The following ATXN1 variants were observed in gnomAD, a reference collection of about 807,000 sequenced individuals.
ATXN1 encodes the protein ataxin-1.
Under a neutral mutation model 56.4 loss-of-function variants are expected in ATXN1, and 8 were observed. The ratio of observed to expected loss-of-function variants is 0.14; its 90% CI spans 0.08 to 0.26. The LOEUF (loss-of-function observed/expected upper bound fraction) is 0.26. Among genes scored for constraint, ATXN1 ranks in the 10% least tolerant of loss-of-function variants. The pLI, the probability that ATXN1 is intolerant of heterozygous loss-of-function variation, is 1.00. For synonymous variants in ATXN1, 514 were observed against 494.6 expected, an observed-to-expected ratio of 1.04 and a Z score of -0.52; for missense variants, 987 against 1,106.5, an observed-to-expected ratio of 0.89 and a Z score of 1.53.
intron 6 of ATXN1, among the ~76,000 whole-genome samples, chr6:16,362,243 C>T (rs551887296): frequency 2.0e-5 from 3 of 152,254 alleles, no homozygotes; most frequent in East Asian, 1.9e-4. Flanking sequence ...TCTGACTGGA[C>T]GGATGGCTTT....
chr6:16,734,034 G>A (rs180726968), intron 2 of ATXN1, among the ~76,000 whole-genome samples: 19 of 152,264 alleles, frequency 1.2e-4, no homozygotes, highest in African/African-American at 4.3e-4. Context: ...GGAGATTGCA[G>A]TGAGCCAAGA....
rs1180662624 is a variant in ATXN1 at position 16,306,606 on chromosome 6, G to C, written c.2171C>G (p.Ala724Gly). ...DGLAGSRHRY[A>G]EQENGINQGS... Reference sequence around the variant, plus strand: ...CTGGTTGATTCCGTTTTCCTGCTCGGCATACCTGTGTCTGCTGCCCGCCAG... The same window carrying C: ...CTGGTTGATTCCGTTTTCCTGCTCGCCATACCTGTGTCTGCTGCCCGCCAG... The change falls in exon 8 of 8, where the codon GCC becomes GGC. Residue 724 changes from alanine to glycine, a missense_variant. Transcript: ENST00000436367. This position sits in a 1 kb window ranked among gnomAD's most constrained non-coding sequence, Gnocchi z 5.2. 6.2e-7 allele frequency: 1 copy of C among 1,614,198 alleles called. No homozygotes were observed. Among genetic ancestry groups the C allele is most frequent in the Admixed American group, 1.7e-5 (1 of 60,028 alleles).
intron 1 of ATXN1, among the ~76,000 whole-genome samples, chr6:16,758,014 C>G (rs372119408): frequency 9.2e-4 from 140 of 152,198 alleles, no homozygotes; most frequent in African/African-American, 3.3e-3. Flanking sequence ...AGGCCTCTAT[C>G]GTTTCTCGCT....
chr6:16,466,662 C>T (rs2876420), intron 6 of ATXN1, among the ~76,000 whole-genome samples: 67,980 of 151,890 alleles, frequency 0.45, 16,030 homozygotes, highest in East Asian at 0.81. Context: ...AGATCAAGCA[C>T]GATTCTATTT....
At chr6:16,758,808 C>T (rs1760966867) in intron 1 of ATXN1, among the ~76,000 whole-genome samples, 1 of 152,320 alleles carries the variant, frequency 6.6e-6, no homozygotes, top group East Asian at 1.9e-4. Context: ...AGATGGCATT[C>T]AAGTCCATTT....
chr6:16,518,347 C>T (rs1220427546), intron 5 of ATXN1, among the ~76,000 whole-genome samples: 2 of 152,228 alleles, frequency 1.3e-5, no homozygotes, highest in Non-Finnish European at 2.9e-5. Context: ...GCCTATGCCC[C>T]CTCCTTGGAT....
At chr6:16,652,363 A>G (rs1166983463) in intron 3 of ATXN1, among the ~76,000 whole-genome samples, 1 of 152,162 alleles carries the variant, frequency 6.6e-6, no homozygotes, top group Non-Finnish European at 1.5e-5. Context: ...TGTACCTCTC[A>G]AGGATGCCTC....
rs140440557 is a variant in ATXN1, at chr6:16,704,147, C to G, written c.-614-46246G>C. On this transcript the variant is annotated intron_variant, in intron 2 of 7. Transcript: ENST00000436367. ...AACACGTCATGGAGCCCACACTGTA[C>G]GAATGTTTTGGAGGTGCGCACTGAG... Among the ~76,000 whole-genome samples, 11 of 152,282 alleles carry G rather than the reference C, an allele frequency of 7.2e-5. No homozygotes were observed. In the East Asian group the frequency reaches 1.9e-3, roughly 27 times the overall value.
chr6:16,534,841 T>A (rs1029773944), intron 4 of ATXN1, among the ~76,000 whole-genome samples: 3 of 152,252 alleles, frequency 2.0e-5, no homozygotes, highest in African/African-American at 7.2e-5. Context: ...TCTGCTCTTG[T>A]ATAAACAGCT....
At chr6:16,633,829 T>G (rs2299067) in intron 3 of ATXN1, among the ~76,000 whole-genome samples, 2 of 151,998 alleles carry the variant, frequency 1.3e-5, no homozygotes, top group African/African-American at 4.8e-5. Context: ...GTAAAGACAG[T>G]CCAAGGAAAA....
chr6:16,410,400 T>C lies in ATXN1; in HGVS notation c.-161+75572A>G, dbSNP rs895095878. Reference sequence around the variant, plus strand: ...ATGAACAGTGAAGACTAAATCTGACTTACAAAGGTGAGGAGCAGGGAGTAC... The same window carrying C: ...ATGAACAGTGAAGACTAAATCTGACCTACAAAGGTGAGGAGCAGGGAGTAC... On this transcript the variant is annotated intron_variant, in intron 6 of 7. Coordinates refer to ENST00000436367, the MANE Select transcript of ATXN1 (RefSeq NM_001128164.2). The surrounding 1 kb of genome is among the most constrained non-coding windows in gnomAD (Gnocchi z 4.6). Among the ~76,000 whole-genome samples, 2 of 152,214 alleles carry C rather than the reference T, an allele frequency of 1.3e-5. No homozygotes were observed. The highest frequency in any genetic ancestry group is 2.9e-5 in the Non-Finnish European group (2 of 68,038).
intron 2 of ATXN1, among the ~76,000 whole-genome samples, chr6:16,745,883 C>T (rs1443863663): frequency 6.6e-6 from 1 of 151,726 alleles, no homozygotes; most frequent in Admixed American, 6.6e-5. Flanking sequence ...AAATGCAGCA[C>T]TTTCCTTTGT....
chr6:16,739,225 C>T (rs977683270), intron 2 of ATXN1: 2 of 151,110 alleles, frequency 1.3e-5, no homozygotes, highest in African/African-American at 4.9e-5. Context: ...CTTGAAGCAC[C>T]CATAACTTTT....
At chr6:16,552,753 G>A (rs569976800) in intron 4 of ATXN1, among the ~76,000 whole-genome samples, 6 of 152,248 alleles carry the variant, frequency 3.9e-5, no homozygotes, top group African/African-American at 7.2e-5. Flanking sequence ...ATTGCCTTAC[G>A]GGGGTGTATC....
At chr6:16,464,221 C>T (rs1454284961) in intron 6 of ATXN1, among the ~76,000 whole-genome samples, 2 of 152,084 alleles carry the variant, frequency 1.3e-5, no homozygotes, top group African/African-American at 2.4e-5. Flanking sequence ...ACAAGAGGTT[C>T]GTAAAATGCA....
intron 2 of ATXN1, among the ~76,000 whole-genome samples, chr6:16,735,733 A>G (rs1413645489): frequency 1.3e-5 from 2 of 152,208 alleles, no homozygotes; most frequent in Non-Finnish European, 2.9e-5. Context: ...AATCATTAGG[A>G]AGATCCACTT....
At chr6:16,532,889 C>A (rs1461968778) in intron 4 of ATXN1, among the ~76,000 whole-genome samples, 2 of 152,054 alleles carry the variant, frequency 1.3e-5, no homozygotes, top group African/African-American at 4.8e-5. Context: ...TAGGTATATA[C>A]CCAAAAAAAC....
At chr6:16,725,883 C>G (rs868076557) in intron 2 of ATXN1, among the ~76,000 whole-genome samples, 5 of 152,328 alleles carry the variant, frequency 3.3e-5, no homozygotes, top group Middle Eastern at 6.8e-3. Context: ...ACACAAGGAA[C>G]AAGTGCATAT....
chr6:16,758,350 G>A (rs1208711753), intron 1 of ATXN1, among the ~76,000 whole-genome samples: 1 of 152,212 alleles, frequency 6.6e-6, no homozygotes, highest in African/African-American at 2.4e-5. Context: ...TTGCTTTAGT[G>A]AGCTCTGAAA....
Sources: gnomAD v4.1 joint callset for allele counts (sites outside exome capture counted in the v4.1 genomes callset) on GRCh38, gnomAD v4.1.1 for gene constraint, Gnocchi (gnomAD v3.1) non-coding constraint, MANE v1.5 for transcripts, NCBI Gene and HGNC (gene_info 2026-07-23, HGNC 2026-07-21) for gene names.